Variants in ADGRD1 observed in about 807,000 individuals in gnomAD.
ADGRD1 encodes the protein adhesion G protein-coupled receptor D1, also known as G-protein coupled receptor 133.
In ADGRD1, 77 loss-of-function variants were observed where a neutral mutation model predicts 113.4. The observed-to-expected ratio is 0.68, with a 90% CI of 0.57 to 0.82. The LOEUF is 0.82. Ranked by LOEUF, ADGRD1 falls within the 40% of genes least tolerant of loss-of-function variation. The pLI, the probability that ADGRD1 is intolerant of heterozygous loss-of-function variation, is 0.00. For synonymous variants in ADGRD1, 474 were observed against 475.0 expected (o/e 1.00, Z 0.03); for missense variants, 1,036 against 1,139.1 (o/e 0.91, Z 1.30).
At position 131,022,308 on chromosome 12, in the gene ADGRD1, G is replaced by A. The variant is rs914098272; in HGVS notation, c.1473+7968G>A. On this transcript the variant is annotated intron_variant, in intron 13 of 24. Transcript: ENST00000261654. The surrounding 1 kb of genome is among the most constrained non-coding windows in gnomAD (Gnocchi z 4.6). ...CCCCTTTGCCTAGAATAAATATCTT[G>A]GTGGTGGGGAGATACCGTGAAACTA... Among the ~76,000 whole-genome samples, 4 of 152,100 alleles carry A rather than the reference G, an allele frequency of 2.6e-5. 1 individual carries two copies.
chr12:130,994,097 A>G (rs1360058530), intron 8 of ADGRD1: 2 of 243,684 alleles, frequency 8.2e-6, no homozygotes, highest in Non-Finnish European at 1.8e-5. Flanking sequence ...CCAATCATGA[A>G]GGAGCTCTAG....
At chr12:131,006,720 A>C in intron 12 of ADGRD1, among the ~76,000 whole-genome samples, 1 of 142,356 alleles carries the variant, frequency 7.0e-6, no homozygotes, top group South Asian at 2.2e-4. Flanking sequence ...GAGGGAGGGG[A>C]GGGGATGCCT....
In ADGRD1 at chr12:131,003,198, TA is replaced by T; in HGVS notation, c.1041del (p.Leu348Ter). Reference sequence around the variant, plus strand: ...GTGTTGCTGCAGGACAGCGCCGTGGTACTGAGTCTCATCGACACTATTGACA... The same window carrying T: ...GTGTTGCTGCAGGACAGCGCCGTGGTCTGAGTCTCATCGACACTATTGACA... ...WIALSEDSAV[V>X]LSLIDTIDTV... On this transcript the variant is annotated frameshift_variant, in exon 10 of 25. Coordinates refer to ENST00000261654, the MANE Select transcript of ADGRD1 (RefSeq NM_198827.5). LOFTEE classifies it high-confidence loss of function. The surrounding 1 kb of genome is among the most constrained non-coding windows in gnomAD (Gnocchi z 4.8). 1 of 1,613,586 alleles carries T rather than the reference TA, an allele frequency of 6.2e-7. No homozygotes were observed. Among genetic ancestry groups the T allele is most frequent in the East Asian group, 2.2e-5 (1 of 44,860 alleles).
chr12:130,988,909 T>C, intron 6 of ADGRD1: 1 of 152,964 alleles, frequency 6.5e-6, no homozygotes, highest in East Asian at 1.9e-4. Context: ...TCTGTCATAG[T>C]CCCCCATCCC....
intron 13 of ADGRD1, among the ~76,000 whole-genome samples, chr12:131,018,977 C>T (rs1015957332): frequency 6.6e-6 from 1 of 152,196 alleles, no homozygotes; most frequent in African/African-American, 2.4e-5. Context: ...TCAGCAAGGC[C>T]GGGGCACAGA....
rs1334375351 is a variant in ADGRD1 at position 131,041,047 on chromosome 12, G to T, written c.1473+26707G>T. 6.6e-6 allele frequency among the ~76,000 whole-genome samples: 1 copy of T among 152,194 alleles called. No homozygotes were observed. Among genetic ancestry groups the T allele is most frequent in the Non-Finnish European group, 1.5e-5 (1 of 68,040 alleles). On this transcript the variant is annotated intron_variant, in intron 13 of 24. Transcript: ENST00000261654. This position sits in a 1 kb window ranked among gnomAD's most constrained non-coding sequence, Gnocchi z 4.4. ...ATCATCCCCACCTGGATGGTCCCTGGGGACATCTGAGTTGTGACCTGTGGT... is the reference window on the plus strand; with the variant it reads ...ATCATCCCCACCTGGATGGTCCCTGTGGACATCTGAGTTGTGACCTGTGGT...
At chr12:131,105,684 G>A in intron 16 of ADGRD1, 70 bp from the exon 17 acceptor site, 12 of 1,209,850 alleles carry the variant, frequency 9.9e-6, no homozygotes, top group Non-Finnish European at 1.4e-5. Flanking sequence ...ACTTCGTGGG[G>A]CCAGGGAGCC....
rs1258373008 is a variant in ADGRD1, at chr12:130,965,598, T to C, written c.104-865T>C. Reference sequence around the variant, plus strand: ...CACCTGTACGAATAAGGATGGAAGCTATTGATTGTTCATTAACAGAAGAAT... The same window carrying C: ...CACCTGTACGAATAAGGATGGAAGCCATTGATTGTTCATTAACAGAAGAAT... On this transcript the variant is annotated intron_variant, in intron 2 of 24. Transcript: ENST00000261654. This position sits in a 1 kb window ranked among gnomAD's most constrained non-coding sequence, Gnocchi z 4.8. Among the ~76,000 whole-genome samples, 1 of 152,032 alleles carries C rather than the reference T, an allele frequency of 6.6e-6. No homozygotes were observed. Among genetic ancestry groups the C allele is most frequent in the Non-Finnish European group, 1.5e-5 (1 of 68,014 alleles).
intron 13 of ADGRD1, among the ~76,000 whole-genome samples, chr12:131,052,818 G>A (rs535063242): frequency 1.3e-5 from 2 of 152,304 alleles, no homozygotes; most frequent in East Asian, 1.9e-4. Context: ...CTGAGGAGCC[G>A]TAGGTAGCTC....
chr12:130,957,740 G>C (rs148063903), intron 2 of ADGRD1: 1 of 152,246 alleles, frequency 6.6e-6, no homozygotes, highest in Admixed American at 6.5e-5. Flanking sequence ...GAGAAACGAC[G>C]GCCATGCTGA....
rs776988614 is a variant in ADGRD1, at chr12:131,138,215, T to C, written c.2515T>C (p.Phe839Leu). 6.2e-7 allele frequency: 1 copy of C among 1,613,290 alleles called. No individual in the cohort carries two copies. Among genetic ancestry groups the C allele is most frequent in the African/African-American group, 1.3e-5 (1 of 74,928 alleles). Reference sequence around the variant, plus strand: ...TGCCCGCACCTCCAACGCGAAGCCCTTCCACTCGGACCTCGTGAGTGCAGC... The same window carrying C: ...TGCCCGCACCTCCAACGCGAAGCCCCTCCACTCGGACCTCGTGAGTGCAGC... ...SSARTSNAKP[F>L]HSDLMNGTRP... The change falls in exon 24 of 25, where the codon TTC becomes CTC. Residue 839 changes from phenylalanine to leucine, a missense_variant. Phe to Leu is a conservative substitution (Grantham distance 22). Coordinates refer to ENST00000261654, the MANE Select transcript of ADGRD1 (RefSeq NM_198827.5).
At chr12:131,092,928 C>T (rs921445278) in intron 15 of ADGRD1, among the ~76,000 whole-genome samples, 10 of 150,576 alleles carry the variant, frequency 6.6e-5, no homozygotes, top group South Asian at 2.1e-4. Context: ...GATGTGGCCA[C>T]GCTGGGCTTC....
chr12:130,954,508 C>T lies in ADGRD1; in HGVS notation c.43C>T (p.Leu15=), dbSNP rs763674630. ...LRLCCWYSWL[L]LFYYNFQVRG... is the part of the protein sequence containing the mutation. Reference sequence around the variant, plus strand: ...GCTGTGCTGCTGGTACTCCTGGCTGCTGCTATTTTATTACAACTTTCAGGT... The same window carrying T: ...GCTGTGCTGCTGGTACTCCTGGCTGTTGCTATTTTATTACAACTTTCAGGT... The change falls in exon 1 of 25, where the codon CTG becomes TTG. Residue 15 remains leucine, a synonymous_variant. Coordinates refer to ENST00000261654, the MANE Select transcript of ADGRD1 (RefSeq NM_198827.5). The surrounding 1 kb of genome is among the most constrained non-coding windows in gnomAD (Gnocchi z 4.7). 8.8e-6 allele frequency: 14 copies of T among 1,598,008 alleles called. No homozygotes were observed. The highest frequency in any genetic ancestry group is 4.3e-6 in the Non-Finnish European group (5 of 1,170,610).
chr12:131,067,470 G>A (rs1483847001), intron 13 of ADGRD1, among the ~76,000 whole-genome samples: 1 of 152,224 alleles, frequency 6.6e-6, no homozygotes, highest in East Asian at 1.9e-4. Flanking sequence ...CTCCAGACCT[G>A]GCTTCTGAGC....
intron 11 of ADGRD1, among the ~76,000 whole-genome samples, chr12:131,004,793 C>T (rs938450712): frequency 6.6e-6 from 1 of 152,216 alleles, no homozygotes; most frequent in Non-Finnish European, 1.5e-5. Context: ...AGTCGAGTCA[C>T]ATAATAAAAA....
At chr12:131,020,595 G>A (rs1271237812) in intron 13 of ADGRD1, among the ~76,000 whole-genome samples, 2 of 152,250 alleles carry the variant, frequency 1.3e-5, no homozygotes, top group African/African-American at 4.8e-5. Context: ...CTGGACATGG[G>A]CCAGGTCTGA....
chr12:131,065,824 C>T (rs943064186), intron 13 of ADGRD1, among the ~76,000 whole-genome samples: 5 of 152,218 alleles, frequency 3.3e-5, no homozygotes, highest in Non-Finnish European at 5.9e-5. Context: ...GTTGTTGTGA[C>T]TTGCTTACCA....
intron 13 of ADGRD1, among the ~76,000 whole-genome samples, chr12:131,038,455 G>A (rs2136970077): frequency 6.6e-6 from 1 of 152,344 alleles, no homozygotes; most frequent in Non-Finnish European, 1.5e-5. Context: ...AAGGGAACGA[G>A]CCCTGCTTAT....
At chr12:131,121,449 G>A (rs1291466591) in intron 20 of ADGRD1, among the ~76,000 whole-genome samples, 2 of 152,082 alleles carry the variant, frequency 1.3e-5, no homozygotes, top group Admixed American at 6.5e-5. Flanking sequence ...GCAGTGGTGC[G>A]ATCTCACTGC....
Sources: gnomAD v4.1 joint callset for allele counts (sites outside exome capture counted in the v4.1 genomes callset) on GRCh38, gnomAD v4.1.1 for gene constraint, Gnocchi (gnomAD v3.1) non-coding constraint, MANE v1.5 for transcripts, NCBI Gene and HGNC (gene_info 2026-07-23, HGNC 2026-07-21) for gene names.